Variants in CASC3 observed in about 807,000 individuals in gnomAD.
The protein encoded by CASC3 is protein CASC3.
In CASC3, 30 loss-of-function variants were observed where a neutral mutation model predicts 80.5. The ratio of observed to expected loss-of-function variants is 0.37; its 90% CI spans 0.28 to 0.51. CASC3 has a LOEUF of 0.51. Among genes scored for constraint, CASC3 ranks in the 20% least tolerant of loss-of-function variants. The pLI is 0.94. For synonymous variants in CASC3, 312 were observed against 333.6 expected (o/e 0.94, Z 0.70); for missense variants, 824 against 922.2 (o/e 0.89, Z 1.38).
chr17:40,170,042 C>T (rs1989557856), intron 13 of CASC3, among the ~76,000 whole-genome samples: 1 of 152,032 alleles, frequency 6.6e-6, no homozygotes, highest in Non-Finnish European at 1.5e-5. Context: ...AGGTGTGAGC[C>T]ACCCCACCCA....
chr17:40,150,766 A>G (rs1988984312), intron 3 of CASC3, among the ~76,000 whole-genome samples: 2 of 152,248 alleles, frequency 1.3e-5, no homozygotes, highest in South Asian at 4.1e-4. Flanking sequence ...TTATCCCAGC[A>G]CTTTGGGAGG....
intron 3 of CASC3, among the ~76,000 whole-genome samples, chr17:40,153,159 A>T (rs1260958015): frequency 6.6e-6 from 1 of 151,966 alleles, no homozygotes; most frequent in Non-Finnish European, 1.5e-5. Context: ...TTTTACCACG[A>T]TCTCATTTTC....
At chr17:40,168,014 A>G in intron 10 of CASC3, 66 bp downstream of exon 10, 3 of 1,498,412 alleles carry the variant, frequency 2.0e-6, no homozygotes, top group Non-Finnish European at 2.8e-6. Flanking sequence ...GTGCCACAAA[A>G]CCCATCCTCC....
intron 11 of CASC3, 170 bp downstream of exon 11, chr17:40,168,587 T>C: frequency 1.6e-6 from 1 of 630,454 alleles, no homozygotes; most frequent in East Asian, 2.8e-5. Flanking sequence ...GCAGCTTATG[T>C]AATGCCCATC....
rs1989506079 is a variant in CASC3 at position 40,168,354 on chromosome 17, T to C, written c.1902T>C (p.Ser634=). ...APGVMNFGNP[S]YPYAPGALPP... ...GCGTCATGAACTTTGGTAATCCCAG[T>C]TACCCTTATGCTCCAGGGGCACTGC... Residue 634 remains serine, a synonymous_variant, in exon 11 of 14, where the codon AGT becomes AGC. Transcript: ENST00000264645. 14 of 1,614,134 alleles carry C rather than the reference T, an allele frequency of 8.7e-6. No individual in the cohort carries two copies. In the East Asian group the frequency reaches 3.1e-4, roughly 36 times the overall value.
chr17:40,140,690 C>T lies in CASC3; in HGVS notation c.142C>T (p.Leu48=). The change falls in exon 1 of 14, where the codon CTG becomes TTG. Residue 48 remains leucine, a synonymous_variant. Coordinates refer to ENST00000264645, the MANE Select transcript of CASC3 (RefSeq NM_007359.5). ...CGCCGGAGGCGGCGGCAGCGGCTCTCTGCCTTCACAGCGCGGAGGCCGAAC... is the reference window on the plus strand; with the variant it reads ...CGCCGGAGGCGGCGGCAGCGGCTCTTTGCCTTCACAGCGCGGAGGCCGAAC... ...GSAGGGGSGS[L]PSQRGGRTGA... is the part of the protein sequence containing the mutation. 6.3e-7 allele frequency: 1 copy of T among 1,593,988 alleles called. No homozygotes were observed. The highest frequency in any genetic ancestry group is 8.5e-7 in the Non-Finnish European group (1 of 1,172,074).
chr17:40,168,313 T>TA lies in CASC3; in HGVS notation c.1862dup (p.Tyr621Ter), dbSNP rs1190383837. Residue 621 changes from tyrosine (Y) to a stop codon, truncating the protein, a stop_gained and frameshift_variant, in exon 11 of 14, where the codon TAC (tyrosine) becomes TAAC (stop). Coordinates refer to ENST00000264645, the MANE Select transcript of CASC3 (RefSeq NM_007359.5). LOFTEE classifies it high-confidence loss of function. ...PPPQQLLAPT[Y>*]FSAPGVMNFG... ...ACCTCAGCAGTTGCTTGCTCCTACT[T>TA]ACTTTTCTGCTCCAGGCGTCATGAA... is the stretch of plus-strand genomic sequence containing the variant. 6.2e-7 allele frequency: 1 copy of TA among 1,614,154 alleles called. No individual in the cohort carries two copies. The highest frequency in any genetic ancestry group is 8.5e-7 in the Non-Finnish European group (1 of 1,180,026).
At chr17:40,145,360 G>C (rs1988831531) in intron 3 of CASC3, among the ~76,000 whole-genome samples, 2 of 151,062 alleles carry the variant, frequency 1.3e-5, no homozygotes, top group Admixed American at 1.3e-4. Flanking sequence ...TTTTAGTAGA[G>C]ACGGGGTTCC....
At chr17:40,163,309 A>G (rs920635159) in intron 6 of CASC3, among the ~76,000 whole-genome samples, 172 bp from the exon 7 acceptor site, 2 of 151,566 alleles carry the variant, frequency 1.3e-5, no homozygotes, top group African/African-American at 2.4e-5. Context: ...TAATTTTTGT[A>G]TTTTTAGTAG....
chr17:40,141,310 A>T (rs930575442), intron 2 of CASC3, 76 bp downstream of exon 2: 29 of 1,274,516 alleles, frequency 2.3e-5, no homozygotes, highest in African/African-American at 1.7e-5. Context: ...TCCAACATCG[A>T]CATTCTCACA....
rs1441301843 is a variant in CASC3 at position 40,171,587 on chromosome 17, G to A, written c.*1182G>A. On this transcript the variant is annotated 3_prime_UTR_variant, in exon 14 of 14. Coordinates refer to ENST00000264645, the MANE Select transcript of CASC3 (RefSeq NM_007359.5). ...AGAATATAAAAACTCCTGGGCTTAA[G>A]GCCTAAGGAAGCCAGTCACCTTCTG... is the stretch of plus-strand genomic sequence containing the variant. The A allele has an allele frequency of 1.0e-6, 1 of 993,226 alleles. No homozygotes were observed. The highest frequency in any genetic ancestry group is 1.2e-6 in the Non-Finnish European group (1 of 834,230). The allele number at this position is 993,226 out of a possible 1,614,324, so 61.5% of individuals were successfully genotyped here. A position where few individuals can be genotyped will look rare whatever the true frequency, so the allele number is the denominator to read the frequency against.
intron 3 of CASC3, among the ~76,000 whole-genome samples, chr17:40,154,105 G>GTTTTTT (rs548654217): frequency 3.9e-5 from 3 of 76,768 alleles, no homozygotes; most frequent in African/African-American, 5.4e-5. Context: ...GATGCTGAGC[G>GTTTTTT]TTTTTTTTTT....
chr17:40,160,916 G>A (rs1441447415), intron 3 of CASC3, among the ~76,000 whole-genome samples: 1 of 151,806 alleles, frequency 6.6e-6, no homozygotes, highest in African/African-American at 2.4e-5. Flanking sequence ...ATACCTATGT[G>A]GATATATATG....
At chr17:40,154,790 G>A (rs1282971307) in intron 3 of CASC3, among the ~76,000 whole-genome samples, 9 of 152,142 alleles carry the variant, frequency 5.9e-5, no homozygotes, top group Admixed American at 4.6e-4. Context: ...ATTTACTCCT[G>A]TGTTTTCTTC....
At chr17:40,141,074 A>G (rs937624270) in intron 1 of CASC3, 133 bp from the exon 2 acceptor site, 2 of 854,174 alleles carry the variant, frequency 2.3e-6, no homozygotes, top group Non-Finnish European at 3.9e-6. Flanking sequence ...ACTACTTGAT[A>G]AAGATTTACC....
Position 40,163,648 on chromosome 17 carries a change from G to T in CASC3, c.953G>T (p.Gly318Val), listed in dbSNP as rs200515784. ...CCCAGGAATTATTCTCGATCTGGGGGCTTCAAGGAAGGTCGTGCTGGTTTT... is the reference window on the plus strand; with the variant it reads ...CCCAGGAATTATTCTCGATCTGGGGTCTTCAAGGAAGGTCGTGCTGGTTTT... ...SAPRNYSRSG[G>V]FKEGRAGFRP... Residue 318 changes from glycine (G) to valine (V), a missense_variant, in exon 7 of 14, where the codon GGC becomes GTC. This residue lies in a region of CASC3 where 464 missense variants were observed against 506.0 expected (regional missense o/e 0.92). Coordinates refer to ENST00000264645, the MANE Select transcript of CASC3 (RefSeq NM_007359.5). 3.1e-6 allele frequency: 5 copies of T among 1,614,158 alleles called. No homozygotes were observed. The highest frequency in any genetic ancestry group is 3.3e-4 in the Middle Eastern group (2 of 6,062).
rs760229885 is a variant in CASC3 at position 40,144,345 on chromosome 17, C to CT, written c.297+2751dup. On this transcript the variant is annotated intron_variant, in intron 3 of 13. Coordinates refer to ENST00000264645, the MANE Select transcript of CASC3 (RefSeq NM_007359.5). ...AACAAAAATTAAAAACTTTCTTTTT[C>CT]TTTTTTTTTTTTTGCTTGAGATGGA... Among the ~76,000 whole-genome samples, 226 of 142,700 alleles carry CT rather than the reference C, an allele frequency of 1.6e-3. 1 individual carries two copies. Among genetic ancestry groups the CT allele is most frequent in the South Asian group, 3.8e-3 (17 of 4,436 alleles). 93.6% of individuals were successfully genotyped at this position (142,700 alleles called of 152,430 possible). A position where few individuals can be genotyped will look rare whatever the true frequency, so the allele number is the denominator to read the frequency against.
Position 40,171,939 on chromosome 17 carries a change from T to A in CASC3, c.*1534T>A. ...TCTAGGGGTAGCTGGTGGTTGTGCC[T>A]TTTGTAGGCTGTTCCCTTTGCCTTA... is the stretch of plus-strand genomic sequence containing the variant. On this transcript the variant is annotated 3_prime_UTR_variant, in exon 14 of 14. Coordinates refer to ENST00000264645, the MANE Select transcript of CASC3 (RefSeq NM_007359.5). 7.9e-7 allele frequency: 1 copy of A among 1,273,372 alleles called. No homozygotes were observed. Among genetic ancestry groups the A allele is most frequent in the Non-Finnish European group, 1.0e-6 (1 of 979,904 alleles). 78.9% of individuals were successfully genotyped at this position (1,273,372 alleles called of 1,614,324 possible). A position where few individuals can be genotyped will look rare whatever the true frequency, so the allele number is the denominator to read the frequency against.
intron 3 of CASC3, among the ~76,000 whole-genome samples, chr17:40,157,654 G>A (rs184185677): frequency 0.039 from 5,983 of 152,040 alleles, 176 homozygotes; most frequent in South Asian, 0.065. Flanking sequence ...CAGCCTGGGC[G>A]ACAGAGCAAG....
Sources: allele counts gnomAD v4.1 joint callset (sites outside exome capture counted in the v4.1 genomes callset), GRCh38; gene constraint gnomAD v4.1.1; regional missense constraint gnomAD v4.1.1; transcripts MANE v1.5; gene names NCBI Gene and HGNC (gene_info 2026-07-23, HGNC 2026-07-21).